Variants in FHIT observed in about 807,000 individuals in gnomAD.
FHIT encodes the protein fragile histidine triad diadenosine triphosphatase.
In FHIT, 19 loss-of-function variants were observed where a neutral mutation model predicts 17.9. The observed-to-expected ratio is 1.06, with a 90% CI of 0.74 to 1.56. The LOEUF is 1.56. Among genes scored for constraint, FHIT ranks in the 40% most tolerant of loss-of-function variants. The probability of loss-of-function intolerance (pLI) is 0.00; values close to 1 mark genes in which losing one functional copy is unlikely to be tolerated. For synonymous variants in FHIT, 81 were observed against 69.7 expected (o/e 1.16, Z -0.81); for missense variants, 248 against 189.2 (o/e 1.31, Z -1.82).
chr3:60,516,154 G>C (rs2035146031), intron 5 of FHIT, among the ~76,000 whole-genome samples: 1 of 152,104 alleles, frequency 6.6e-6, no homozygotes, highest in Non-Finnish European at 1.5e-5. Flanking sequence ...CTACACCGAA[G>C]AGCTTGAATT....
intron 5 of FHIT, among the ~76,000 whole-genome samples, chr3:60,118,854 T>G (rs1321556830): frequency 2.2e-5 from 3 of 133,960 alleles, no homozygotes; most frequent in Non-Finnish European, 3.4e-5. Context: ...CCATCTCTAC[T>G]GATAATACAA....
intron 2 of FHIT, among the ~76,000 whole-genome samples, chr3:61,066,219 T>A (rs913727000): frequency 4.6e-5 from 7 of 152,164 alleles, no homozygotes; most frequent in Non-Finnish European, 7.3e-5. Context: ...CCTAATCACC[T>A]CTTAAACAAC....
intron 2 of FHIT, among the ~76,000 whole-genome samples, chr3:61,125,512 C>T (rs1400064590): frequency 6.6e-6 from 1 of 152,056 alleles, no homozygotes; most frequent in Non-Finnish European, 1.5e-5. Context: ...TGAAAATTTC[C>T]AGGCAGGTAG....
chr3:61,207,655 C>T (rs4425247), intron 1 of FHIT, among the ~76,000 whole-genome samples: 65,354 of 151,670 alleles, frequency 0.43, 14,424 homozygotes, highest in East Asian at 0.58. Context: ...TCTGTGGGAT[C>T]GGTGTTGATA....
At chr3:60,487,451 C>G (rs868772919) in intron 5 of FHIT, among the ~76,000 whole-genome samples, 1 of 152,180 alleles carries the variant, frequency 6.6e-6, no homozygotes, top group Non-Finnish European at 1.5e-5. Context: ...ATGAAAGCAA[C>G]AATTGAGAGA....
At chr3:60,915,045 G>A (rs555510415) in intron 3 of FHIT, among the ~76,000 whole-genome samples, 12 of 152,232 alleles carry the variant, frequency 7.9e-5, no homozygotes, top group East Asian at 5.8e-4. Flanking sequence ...TCAATGTTCC[G>A]AACACTTGTT....
intron 8 of FHIT, among the ~76,000 whole-genome samples, chr3:59,762,110 G>C (rs1701546734): frequency 6.6e-6 from 1 of 152,124 alleles, no homozygotes; most frequent in Admixed American, 6.5e-5. Flanking sequence ...TGGCTACTCA[G>C]TGACTAACAG....
In FHIT at chr3:60,585,038, A is replaced by G. The variant is rs565726535; in HGVS notation, c.-17-48059T>C. 6.4e-4 allele frequency among the ~76,000 whole-genome samples: 98 copies of G among 152,110 alleles called. 3 individuals are homozygous for G. The South Asian group carries it at 0.02, about 31-fold the overall frequency. On this transcript the variant is annotated intron_variant, in intron 4 of 9. Coordinates refer to ENST00000492590, the MANE Select transcript of FHIT (RefSeq NM_002012.4). ...CTTCAGGCATCAACAAAACTATTTT[A>G]ATACAATCCTTTCCCTCTACTTCTG...
intron 8 of FHIT, among the ~76,000 whole-genome samples, chr3:59,919,042 AAT>A (rs769103497): frequency 3.5e-4 from 53 of 152,356 alleles, no homozygotes; most frequent in Non-Finnish European, 6.3e-4. Context: ...CAATGAAAAC[AAT>A]ATGTTTCACT....
intron 8 of FHIT, among the ~76,000 whole-genome samples, chr3:59,801,520 T>C (rs1387838973): frequency 6.6e-6 from 1 of 152,054 alleles, no homozygotes; most frequent in Non-Finnish European, 1.5e-5. Context: ...CCTATATAAG[T>C]GAAAATATAG....
At chr3:61,227,300 T>A (rs2039995220) in intron 1 of FHIT, among the ~76,000 whole-genome samples, 1 of 152,152 alleles carries the variant, frequency 6.6e-6, no homozygotes. Flanking sequence ...AATTAATTTT[T>A]AAAAAAAATT....
At chr3:60,148,522 C>T (rs896433540) in intron 5 of FHIT, among the ~76,000 whole-genome samples, 1 of 152,120 alleles carries the variant, frequency 6.6e-6, no homozygotes, top group Admixed American at 6.6e-5. Context: ...GTCTTGGTAA[C>T]ATCTTTTATT....
intron 8 of FHIT, among the ~76,000 whole-genome samples, chr3:59,763,508 C>T (rs9847591): frequency 3.3e-5 from 5 of 152,288 alleles, no homozygotes; most frequent in East Asian, 3.9e-4. Context: ...TGTTTCTCTG[C>T]AGAATTCATT....
chr3:60,332,034 G>C (rs1377821599), intron 5 of FHIT, among the ~76,000 whole-genome samples: 1 of 152,004 alleles, frequency 6.6e-6, no homozygotes, highest in African/African-American at 2.4e-5. Flanking sequence ...CAACAAGGGA[G>C]CTGCAAACTA....
intron 4 of FHIT, among the ~76,000 whole-genome samples, chr3:60,710,431 G>A (rs1353625960): frequency 6.6e-6 from 1 of 152,148 alleles, no homozygotes; most frequent in Non-Finnish European, 1.5e-5. Flanking sequence ...CAGGAGAGTG[G>A]GTGCAGTGCA....
intron 5 of FHIT, among the ~76,000 whole-genome samples, chr3:60,226,307 T>C (rs1704194101): frequency 6.6e-6 from 1 of 151,896 alleles, no homozygotes; most frequent in South Asian, 2.1e-4. Context: ...ACCCTGTCTC[T>C]ACTAAAAATA....
intron 8 of FHIT, among the ~76,000 whole-genome samples, chr3:59,865,311 T>A (rs1251838103): frequency 6.6e-6 from 1 of 152,250 alleles, no homozygotes; most frequent in Non-Finnish European, 1.5e-5. Context: ...TTAATAGTAT[T>A]TAAACATAAA....
At chr3:60,010,129 TTAAA>T (rs1700083965) in intron 7 of FHIT, among the ~76,000 whole-genome samples, 1 of 152,234 alleles carries the variant, frequency 6.6e-6, no homozygotes, top group African/African-American at 2.4e-5. Context: ...ATACTGAGTT[TTAAA>T]AAATCTTGGA....
At chr3:61,107,457 G>C (rs1425979720) in intron 2 of FHIT, among the ~76,000 whole-genome samples, 1 of 152,098 alleles carries the variant, frequency 6.6e-6, no homozygotes, top group African/African-American at 2.4e-5. Flanking sequence ...ATCCTTAGAA[G>C]ACTTATTTTA....
Sources: gnomAD v4.1 joint callset for allele counts (sites outside exome capture counted in the v4.1 genomes callset) on GRCh38, gnomAD v4.1.1 for gene constraint, MANE v1.5 for transcripts, NCBI Gene and HGNC (gene_info 2026-07-23, HGNC 2026-07-21) for gene names.